The following SHQ1 variants were observed in gnomAD, a reference collection of about 807,000 sequenced individuals.
SHQ1 encodes SHQ1, H/ACA ribonucleoprotein assembly factor.
Under a neutral mutation model 53.8 loss-of-function variants are expected in SHQ1, and 49 were observed. That is an observed-to-expected ratio of 0.91 (90% CI 0.72 to 1.16). SHQ1 has a LOEUF of 1.16. Ranked by LOEUF, SHQ1 falls within the 50% of genes most tolerant of loss-of-function variation. The pLI, the probability that SHQ1 is intolerant of heterozygous loss-of-function variation, is 0.00. For synonymous variants in SHQ1, 243 were observed against 251.0 expected (o/e 0.97, Z 0.30); for missense variants, 738 against 683.1 (o/e 1.08, Z -0.90).
At chr3:72,753,722 C>A in intron 10 of SHQ1, 1 of 748,430 alleles carries the variant, frequency 1.3e-6, no homozygotes, top group Non-Finnish European at 1.6e-6. Flanking sequence ...AATGATTCAC[C>A]AAAGCATTAT....
chr3:72,824,461 CA>C lies in SHQ1; in HGVS notation c.689del (p.Leu230TrpfsTer13). On this transcript the variant is annotated frameshift_variant, in exon 6 of 11. Transcript: ENST00000325599. LOFTEE classifies it high-confidence loss of function. The part of the protein sequence containing the change: ...TDKYSKMMAF[L>X]EKSQEQENHA... ...GATTTTCTTGTTCCTGACTCTTTTC[CA>C]AAAAGGCCATCATTTTTGAATATTT... The C allele has an allele frequency of 6.2e-7, 1 of 1,612,184 alleles. No homozygotes were observed. Among genetic ancestry groups the C allele is most frequent in the Non-Finnish European group, 8.5e-7 (1 of 1,179,564 alleles).
chr3:72,741,902 A>G, the SHQ1 span, among the ~76,000 whole-genome samples: 1 of 152,208 alleles, frequency 6.6e-6, no homozygotes, highest in African/African-American at 2.4e-5. Context: ...TATTATAAGT[A>G]ATCTAGAGAT....
intron 9 of SHQ1, among the ~76,000 whole-genome samples, chr3:72,801,595 T>C (rs1477094979): frequency 6.6e-6 from 1 of 152,180 alleles, no homozygotes; most frequent in African/African-American, 2.4e-5. Context: ...CAAGTACTGA[T>C]AAGTATGTCA....
At position 72,750,465 on chromosome 3, in the gene SHQ1, G is replaced by C. The variant is rs1359641704; in HGVS notation, c.1553C>G (p.Ser518Cys). Residue 518 changes from serine (S) to cysteine (C), a missense_variant, in exon 11 of 11, where the codon TCT becomes TGT. By Grantham distance (112) the Ser-to-Cys change is moderately radical. Coordinates refer to ENST00000325599, the MANE Select transcript of SHQ1 (RefSeq NM_018130.3). ...GVRRNTAIQE[S>C]DASQGKPLAS... ...AAGTGGCTTTCCCTGACTGGCATCA[G>C]ACTCCTGGATGGCTGTGTTTCTGCG... 1 of 1,614,070 alleles carries C rather than the reference G, an allele frequency of 6.2e-7. No homozygotes were observed. Among genetic ancestry groups the C allele is most frequent in the Non-Finnish European group, 8.5e-7 (1 of 1,180,030 alleles).
chr3:72,793,372 T>G (rs1706503759), intron 9 of SHQ1: 1 of 170,372 alleles, frequency 5.9e-6, no homozygotes, highest in African/African-American at 2.4e-5. Context: ...CCAGGCGTGG[T>G]GACAGGCACC....
At chr3:72,808,295 T>C (rs944485487) in intron 9 of SHQ1, among the ~76,000 whole-genome samples, 7 of 152,200 alleles carry the variant, frequency 4.6e-5, no homozygotes, top group Non-Finnish European at 8.8e-5. Flanking sequence ...AATCAACTTG[T>C]AGCCAACCTT....
At chr3:72,757,721 G>A (rs1376964526) in intron 10 of SHQ1, among the ~76,000 whole-genome samples, 1 of 152,146 alleles carries the variant, frequency 6.6e-6, no homozygotes, top group African/African-American at 2.4e-5. Context: ...ACTAATGCAG[G>A]AACAGAAAAC....
At chr3:72,817,406 A>T in intron 6 of SHQ1, 22 bp from the exon 7 acceptor site, 1 of 1,589,924 alleles carries the variant, frequency 6.3e-7, no homozygotes, top group East Asian at 2.3e-5. Flanking sequence ...CGCATTTAAA[A>T]ACTAGATGTT....
At chr3:72,833,499 T>TAGATAGATAGACAGAC in intron 4 of SHQ1, among the ~76,000 whole-genome samples, 1 of 37,390 alleles carries the variant, frequency 2.7e-5, no homozygotes, top group South Asian at 9.2e-4. Flanking sequence ...GATAGATAGA[T>TAGATAGATAGACAGAC]AGACAGACAG....
the SHQ1 span, among the ~76,000 whole-genome samples, chr3:72,738,655 C>G: frequency 6.6e-6 from 1 of 152,208 alleles, no homozygotes; most frequent in Non-Finnish European, 1.5e-5. Context: ...ACGAAAGCCA[C>G]TGATGTCGCC....
chr3:72,773,326 G>GAA, intron 10 of SHQ1: 2 of 589,296 alleles, frequency 3.4e-6, no homozygotes, highest in Non-Finnish European at 6.5e-6. Flanking sequence ...AGACAAGAAG[G>GAA]AAAAAAATGA....
intron 10 of SHQ1, among the ~76,000 whole-genome samples, chr3:72,792,533 C>T (rs1706471374): frequency 6.6e-6 from 1 of 151,992 alleles, no homozygotes; most frequent in Admixed American, 6.6e-5. Context: ...CACCTGTAAT[C>T]CCAGCACTCT....
chr3:72,789,283 G>A (rs1267763059), intron 10 of SHQ1, among the ~76,000 whole-genome samples: 1 of 152,114 alleles, frequency 6.6e-6, no homozygotes, highest in African/African-American at 2.4e-5. Context: ...ATATAAAAAG[G>A]TGCCAACTAT....
chr3:72,743,702 C>A, the SHQ1 span, among the ~76,000 whole-genome samples: 3 of 152,320 alleles, frequency 2.0e-5, no homozygotes, highest in African/African-American at 7.2e-5. Flanking sequence ...GTTTTTCATT[C>A]AACAAGTGTC....
At chr3:72,825,250 T>C (rs1002776704) in intron 5 of SHQ1, among the ~76,000 whole-genome samples, 1 of 151,970 alleles carries the variant, frequency 6.6e-6, no homozygotes, top group African/African-American at 2.4e-5. Flanking sequence ...CTACAGACTT[T>C]AGTAAAATTT....
chr3:72,772,692 T>C, intron 10 of SHQ1: 1 of 727,638 alleles, frequency 1.4e-6, no homozygotes, highest in East Asian at 2.5e-5. Context: ...AAGAGCTTGA[T>C]GGTGCACCTC....
intron 10 of SHQ1, among the ~76,000 whole-genome samples, chr3:72,765,400 G>A (rs1242523260): frequency 2.0e-5 from 3 of 149,498 alleles, no homozygotes; most frequent in Non-Finnish European, 4.4e-5. Context: ...CTGAAACAGT[G>A]CATCAGGGCT....
At chr3:72,836,345 C>T (rs1471933474) in intron 4 of SHQ1, among the ~76,000 whole-genome samples, 6 of 152,106 alleles carry the variant, frequency 3.9e-5, no homozygotes, top group South Asian at 2.1e-4. Flanking sequence ...AAAAATTAGC[C>T]GGGTGTGGTG....
chr3:72,780,786 G>A (rs1479956786), intron 10 of SHQ1, among the ~76,000 whole-genome samples: 1 of 152,150 alleles, frequency 6.6e-6, no homozygotes, highest in Non-Finnish European at 1.5e-5. Context: ...AATCTGGGAT[G>A]TAAAGTAATA....
Sources: gnomAD v4.1 joint callset for allele counts (sites outside exome capture counted in the v4.1 genomes callset) on GRCh38, gnomAD v4.1.1 for gene constraint, MANE v1.5 for transcripts, NCBI Gene and HGNC (gene_info 2026-07-23, HGNC 2026-07-21) for gene names.